Variants in ATAD2B observed in about 807,000 individuals in gnomAD.
ATAD2B encodes the protein ATPase family AAA domain-containing protein 2B.
Under a neutral mutation model 167.6 loss-of-function variants are expected in ATAD2B, and 40 were observed. The ratio of observed to expected loss-of-function variants is 0.24; its 90% CI spans 0.19 to 0.31. The LOEUF (loss-of-function observed/expected upper bound fraction) is 0.31. ATAD2B is among the 10% of genes least tolerant of loss of function. The pLI is 1.00. For synonymous variants in ATAD2B, 579 were observed against 596.5 expected (o/e 0.97, Z 0.43); for missense variants, 1,242 against 1,757.2 (o/e 0.71, Z 5.24).
At chr2:23,743,213 C>T in the ATAD2B span, among the ~76,000 whole-genome samples, 1 of 151,206 alleles carries the variant, frequency 6.6e-6, no homozygotes, top group Admixed American at 6.6e-5. Flanking sequence ...TTAGAATGTT[C>T]CAGGAGAAAT....
At chr2:23,807,959 AAT>A (rs548850890) in intron 18 of ATAD2B, among the ~76,000 whole-genome samples, 18,951 of 127,238 alleles carry the variant, frequency 0.15, 1,630 homozygotes, top group Middle Eastern at 0.24. Context: ...AAATATTTAT[AAT>A]ATATATATTA....
chr2:23,807,907 A>AATATAAATATATATATTTATAATAT (rs1558568563), intron 18 of ATAD2B, among the ~76,000 whole-genome samples: 1 of 129,350 alleles, frequency 7.7e-6, no homozygotes, highest in Non-Finnish European at 1.6e-5. Context: ...AAAATATATA[A>AATATAAATATATATATTTATAATAT]ATATAAATAT....
At position 23,848,349 on chromosome 2, in the gene ATAD2B, G is replaced by A. The variant is rs904385451; in HGVS notation, c.1568+9066C>T. On this transcript the variant is annotated intron_variant, in intron 13 of 27. Coordinates refer to ENST00000238789, the MANE Select transcript of ATAD2B (RefSeq NM_017552.4). ...ACAAAAATTAGCCAGGCATGGTGGC[G>A]TGCACCTGCAATTCCAGCTACGCAG... Among the ~76,000 whole-genome samples the A allele has an allele frequency of 1.4e-4, 21 of 151,820 alleles. 1 individual carries two copies. The highest frequency in any genetic ancestry group is 9.7e-5 in the African/African-American group (4 of 41,324).
intron 6 of ATAD2B, among the ~76,000 whole-genome samples, chr2:23,881,039 C>A (rs1273863349): frequency 6.6e-6 from 1 of 152,134 alleles, no homozygotes; most frequent in African/African-American, 2.4e-5. Flanking sequence ...TCTCCTTGTT[C>A]ATACAATGCA....
chr2:23,908,117 A>C (rs189760005), intron 1 of ATAD2B, among the ~76,000 whole-genome samples: 197 of 152,344 alleles, frequency 1.3e-3, no homozygotes, highest in African/African-American at 4.5e-3. Context: ...AAGCAATGGC[A>C]ACAAAAGACA....
At chr2:23,706,490 G>A in the ATAD2B span, 1 of 1,529,808 alleles carries the variant, frequency 6.5e-7, no homozygotes, top group Non-Finnish European at 8.7e-7. Context: ...GTGCTGTGGT[G>A]CTTGATGGCA....
chr2:23,925,913 T>C (rs570608409), intron 1 of ATAD2B, among the ~76,000 whole-genome samples: 4 of 152,332 alleles, frequency 2.6e-5, no homozygotes, highest in South Asian at 4.1e-4. Flanking sequence ...TGGTTCCTAC[T>C]AGCACCTTGG....
chr2:23,842,483 A>G (rs1691073082), intron 13 of ATAD2B, among the ~76,000 whole-genome samples: 1 of 152,182 alleles, frequency 6.6e-6, no homozygotes, highest in African/African-American at 2.4e-5. Context: ...ATGGTAACTC[A>G]GAGAATGGAA....
chr2:23,828,955 C>G lies in ATAD2B; in HGVS notation c.1729-16G>C. On this transcript the variant is annotated splice_polypyrimidine_tract_variant and intron_variant, in intron 14 of 27. Coordinates refer to ENST00000238789, the MANE Select transcript of ATAD2B (RefSeq NM_017552.4). ...GTTTTCTTGCCTAAGATGAAAAGCA[C>G]AGATACATAAAATCTTGCCCAAGAA... is the stretch of plus-strand genomic sequence containing the variant. The G allele has an allele frequency of 6.6e-7, 1 of 1,522,884 alleles. No individual in the cohort carries two copies. The highest frequency in any genetic ancestry group is 9.1e-7 in the Non-Finnish European group (1 of 1,103,440). 94.3% of individuals were successfully genotyped at this position (1,522,884 alleles called of 1,614,324 possible). A position where few individuals can be genotyped will look rare whatever the true frequency, so the allele number is the denominator to read the frequency against.
At chr2:23,869,969 G>A (rs1695679074) in intron 8 of ATAD2B, among the ~76,000 whole-genome samples, 1 of 152,064 alleles carries the variant, frequency 6.6e-6, no homozygotes, top group Admixed American at 6.6e-5. Flanking sequence ...CAGCACTTTG[G>A]GCAGTCAAGG....
intron 1 of ATAD2B, among the ~76,000 whole-genome samples, chr2:23,926,206 C>G (rs900426742): frequency 2.0e-5 from 3 of 152,222 alleles, no homozygotes; most frequent in Admixed American, 6.5e-5. Context: ...CCCTTCCACC[C>G]AGGGGCTCTG....
chr2:23,755,809 T>G (rs1011238689), intron 25 of ATAD2B, among the ~76,000 whole-genome samples: 9 of 152,146 alleles, frequency 5.9e-5, no homozygotes, highest in African/African-American at 2.2e-4. Flanking sequence ...CAGAGAAATT[T>G]TATATTTCAG....
chr2:23,838,068 T>C (rs1690294650), intron 13 of ATAD2B, among the ~76,000 whole-genome samples: 1 of 152,172 alleles, frequency 6.6e-6, no homozygotes, highest in Non-Finnish European at 1.5e-5. Context: ...GTTAAAGAAA[T>C]CATTCTCCTT....
chr2:23,730,149 T>C, the ATAD2B span, among the ~76,000 whole-genome samples: 3 of 152,206 alleles, frequency 2.0e-5, no homozygotes, highest in Admixed American at 6.5e-5. Context: ...CCAAGATAGA[T>C]TGCATTCTGG....
At chr2:23,894,996 G>A (rs1437901812) in intron 2 of ATAD2B, among the ~76,000 whole-genome samples, 1 of 151,998 alleles carries the variant, frequency 6.6e-6, no homozygotes, top group Non-Finnish European at 1.5e-5. Context: ...GAGAATAAAA[G>A]TATCCAGAAT....
At chr2:23,918,101 T>C (rs1173219100) in intron 1 of ATAD2B, among the ~76,000 whole-genome samples, 1 of 149,398 alleles carries the variant, frequency 6.7e-6, no homozygotes. Flanking sequence ...GAGCAGTAGC[T>C]CACTCCTGTA....
intron 17 of ATAD2B, among the ~76,000 whole-genome samples, chr2:23,817,459 A>G (rs1686624328): frequency 6.6e-6 from 1 of 152,212 alleles, no homozygotes; most frequent in South Asian, 2.1e-4. Flanking sequence ...ATCCCTTCAT[A>G]ATGAAAAGGA....
the ATAD2B span, among the ~76,000 whole-genome samples, chr2:23,695,028 CAG>C: frequency 6.6e-6 from 1 of 152,126 alleles, no homozygotes; most frequent in Non-Finnish European, 1.5e-5. The surrounding 1 kb of genome is among the most constrained non-coding windows in gnomAD (Gnocchi z 7.6). Context: ...GAGTGATGAG[CAG>C]AGTTTGTTAG....
intron 18 of ATAD2B, among the ~76,000 whole-genome samples, chr2:23,807,050 A>G (rs1347967400): frequency 6.6e-6 from 1 of 152,206 alleles, no homozygotes; most frequent in Non-Finnish European, 1.5e-5. Flanking sequence ...CTCTATGCAG[A>G]TGACACTGTG....
Sources: gnomAD v4.1 joint callset for allele counts (sites outside exome capture counted in the v4.1 genomes callset) on GRCh38, gnomAD v4.1.1 for gene constraint, Gnocchi (gnomAD v3.1) non-coding constraint, MANE v1.5 for transcripts, NCBI Gene and HGNC (gene_info 2026-07-23, HGNC 2026-07-21) for gene names.